Variants in TENM4 observed in about 807,000 individuals in gnomAD.
TENM4 encodes the protein teneurin transmembrane protein 4, also known as teneurin-4.
TENM4 carries 82 observed loss-of-function variants against 243.3 expected under a neutral mutation model. That is an observed-to-expected ratio of 0.34 (90% CI 0.28 to 0.40). The LOEUF is 0.40. Ranked by LOEUF, TENM4 falls within the 10% of genes least tolerant of loss-of-function variation. The pLI, the probability that TENM4 is intolerant of heterozygous loss-of-function variation, is 1.00. For missense variants in TENM4, 3,138 were observed against 3,673.3 expected (o/e 0.85, Z 3.77); for synonymous variants, 1,412 against 1,456.3 (o/e 0.97, Z 0.69).
intron 18 of TENM4, among the ~76,000 whole-genome samples, chr11:78,761,887 G>C (rs1178243379): frequency 6.6e-6 from 1 of 152,096 alleles, no homozygotes; most frequent in Non-Finnish European, 1.5e-5. Flanking sequence ...AAATTATTCT[G>C]TTCTGAGTCT....
At chr11:79,378,797 C>T (rs1217688837) in intron 1 of TENM4, among the ~76,000 whole-genome samples, 1 of 151,442 alleles carries the variant, frequency 6.6e-6, no homozygotes, top group Non-Finnish European at 1.5e-5. Context: ...GTGGAAGGAC[C>T]GTTTCAGCCC....
chr11:79,001,439 G>A (rs1057489231), intron 6 of TENM4, among the ~76,000 whole-genome samples: 5 of 151,832 alleles, frequency 3.3e-5, no homozygotes, highest in Admixed American at 6.6e-5. Context: ...GGAATGGCAT[G>A]CTCTTGCCAT....
At chr11:78,764,584 A>G (rs989967734) in intron 18 of TENM4, among the ~76,000 whole-genome samples, 2 of 152,206 alleles carry the variant, frequency 1.3e-5, no homozygotes, top group African/African-American at 4.8e-5. Context: ...GACAGGGCCC[A>G]TCAAGGGCCA....
chr11:78,916,844 CA>C (rs1856327547), intron 6 of TENM4, among the ~76,000 whole-genome samples: 1 of 152,124 alleles, frequency 6.6e-6, no homozygotes, highest in Non-Finnish European at 1.5e-5. Flanking sequence ...ATTTAAAAAG[CA>C]AACAACATAC....
chr11:78,663,956 G>A (rs925472560), intron 32 of TENM4, among the ~76,000 whole-genome samples: 2 of 152,170 alleles, frequency 1.3e-5, no homozygotes, highest in African/African-American at 4.8e-5. Flanking sequence ...AGGTGGAGTG[G>A]TGGTAGAAAG....
At chr11:78,807,180 G>C (rs1857406900) in intron 14 of TENM4, among the ~76,000 whole-genome samples, 1 of 152,168 alleles carries the variant, frequency 6.6e-6, no homozygotes, top group African/African-American at 2.4e-5. Context: ...ATCTCTTTGG[G>C]ACTCTGCTTT....
chr11:79,185,340 A>G (rs1380441928), intron 3 of TENM4, among the ~76,000 whole-genome samples: 1 of 152,178 alleles, frequency 6.6e-6, no homozygotes, highest in African/African-American at 2.4e-5. Flanking sequence ...AAAAACCCCC[A>G]AAACAAAAAA....
intron 6 of TENM4, among the ~76,000 whole-genome samples, chr11:78,988,339 C>T (rs1029334269): frequency 6.6e-6 from 1 of 152,188 alleles, no homozygotes; most frequent in Non-Finnish European, 1.5e-5. Context: ...GGCTGTAACC[C>T]TGGCTGACAC....
At chr11:79,194,833 G>C (rs115397211) in intron 3 of TENM4, among the ~76,000 whole-genome samples, 2,084 of 152,294 alleles carry the variant, frequency 0.014, 45 homozygotes, top group African/African-American at 0.048. Context: ...AAGTAGAAAG[G>C]AGCCTAATAT....
intron 9 of TENM4, among the ~76,000 whole-genome samples, chr11:78,876,403 T>G (rs1250168813): frequency 1.3e-5 from 2 of 152,204 alleles, no homozygotes; most frequent in East Asian, 3.8e-4. Flanking sequence ...AATGGACACT[T>G]TAATGTGGAC....
At position 79,326,956 on chromosome 11, in the gene TENM4, G is replaced by A. The variant is rs376587484; in HGVS notation, c.-320-29413C>T. Among the ~76,000 whole-genome samples, 139 of 152,330 alleles carry A rather than the reference G, an allele frequency of 9.1e-4. 5 individuals carry two copies. In the South Asian group the frequency reaches 0.028, roughly 31 times the overall value. ...AAAGAAAGAAAAAACTTGATCAGAA[G>A]CTCCTTACGGGCAGAGCCTCATCTC... On this transcript the variant is annotated intron_variant, in intron 1 of 33. Coordinates refer to ENST00000278550, the MANE Select transcript of TENM4 (RefSeq NM_001098816.3).
chr11:78,688,037 G>T lies in TENM4; in HGVS notation c.5260+17C>A. On this transcript the variant is annotated intron_variant, in intron 29 of 33. Coordinates refer to ENST00000278550, the MANE Select transcript of TENM4 (RefSeq NM_001098816.3). ...CACCCCTCTGCCTCAAAGTCCCCTG[G>T]CCCCCACCTGACTTACCTTGCAGCA... 2.5e-6 allele frequency: 4 copies of T among 1,612,336 alleles called. No individual in the cohort carries two copies. Among genetic ancestry groups the T allele is most frequent in the Non-Finnish European group, 3.4e-6 (4 of 1,179,074 alleles).
At chr11:79,370,870 A>G (rs914437890) in intron 1 of TENM4, among the ~76,000 whole-genome samples, 1 of 151,188 alleles carries the variant, frequency 6.6e-6, no homozygotes, top group Admixed American at 6.6e-5. Flanking sequence ...ATAGATGTAC[A>G]TAGTTTGGGA....
chr11:78,855,230 T>C (rs1477858286), intron 11 of TENM4, among the ~76,000 whole-genome samples: 1 of 152,226 alleles, frequency 6.6e-6, no homozygotes, highest in Non-Finnish European at 1.5e-5. Context: ...GCTAAAAATC[T>C]TAAATAACTA....
intron 6 of TENM4, among the ~76,000 whole-genome samples, chr11:78,951,637 T>C (rs1256336895): frequency 6.6e-6 from 1 of 152,228 alleles, no homozygotes; most frequent in African/African-American, 2.4e-5. Flanking sequence ...ATGGTCACTT[T>C]CTTGCTGTGT....
chr11:78,982,621 G>A (rs1306942343), intron 6 of TENM4, among the ~76,000 whole-genome samples: 1 of 152,170 alleles, frequency 6.6e-6, no homozygotes, highest in African/African-American at 2.4e-5. Flanking sequence ...CTGGAAAGTT[G>A]TTCCTCTTCT....
At position 78,669,109 on chromosome 11, in the gene TENM4, C is replaced by T. The variant is rs1419213332; in HGVS notation, c.7236G>A (p.Lys2412=). The change falls in exon 32 of 34, where the codon AAG becomes AAA. Residue 2412 remains lysine (K), a synonymous_variant. Coordinates refer to ENST00000278550, the MANE Select transcript of TENM4 (RefSeq NM_001098816.3). This position sits in a 1 kb window ranked among gnomAD's most constrained non-coding sequence, Gnocchi z 6.4. ...AATCTCGCCGGCCCATGTGGACAAGCTTGGTGAGTGGATCATAGAGGCCAC... is the reference window on the plus strand; with the variant it reads ...AATCTCGCCGGCCCATGTGGACAAGTTTGGTGAGTGGATCATAGAGGCCAC... ...YHGGLYDPLT[K]LVHMGRRDYD... is the part of the protein sequence containing the mutation. 3.7e-6 allele frequency: 6 copies of T among 1,613,764 alleles called. No individual in the cohort carries two copies. The highest frequency in any genetic ancestry group is 1.1e-5 in the South Asian group (1 of 91,044).
intron 3 of TENM4, among the ~76,000 whole-genome samples, chr11:79,155,736 C>G (rs1476242505): frequency 6.9e-6 from 1 of 145,446 alleles, no homozygotes. Context: ...TCCGTCCCTT[C>G]CTTCTCTTCC....
rs539025678 is a variant in TENM4 at position 78,821,393 on chromosome 11, T to C, written c.1682-6998A>G. Reference sequence around the variant, plus strand: ...ACAAAGCAGGAATACAAGGGGAAAATAGAGGAAAGAGGTCAGAGAAGTGGG... The same window carrying C: ...ACAAAGCAGGAATACAAGGGGAAAACAGAGGAAAGAGGTCAGAGAAGTGGG... On this transcript the variant is annotated intron_variant, in intron 12 of 33. Transcript: ENST00000278550. Among the ~76,000 whole-genome samples the C allele has an allele frequency of 3.3e-3, 497 of 152,186 alleles. 3 individuals carry two copies. The highest frequency in any genetic ancestry group is 0.012 in the African/African-American group (483 of 41,512).
Sources: allele counts gnomAD v4.1 joint callset (sites outside exome capture counted in the v4.1 genomes callset), GRCh38; gene constraint gnomAD v4.1.1; non-coding constraint Gnocchi (gnomAD v3.1); transcripts MANE v1.5; gene names NCBI Gene and HGNC (gene_info 2026-07-23, HGNC 2026-07-21).